Variants in GUCY2F observed in about 807,000 individuals in gnomAD.
GUCY2F encodes guanylate cyclase 2F, retinal, also known as retinal guanylyl cyclase 2.
In GUCY2F, 61 loss-of-function variants were observed where a neutral mutation model predicts 73.1. The ratio of observed to expected loss-of-function variants is 0.83; its 90% CI spans 0.68 to 1.03. The LOEUF is 1.03. Among genes scored for constraint, GUCY2F ranks in the 50% least tolerant of loss-of-function variants. The pLI is 0.00. For missense variants in GUCY2F, 912 were observed against 854.3 expected (o/e 1.07, Z -0.84); for synonymous variants, 331 against 307.8 (o/e 1.08, Z -0.79).
intron 2 of GUCY2F, among the ~76,000 whole-genome samples, chrX:109,467,948 A>C (rs1932503054): frequency 8.9e-6 from 1 of 112,054 alleles, no homozygotes; most frequent in African/African-American, 3.2e-5. Flanking sequence ...TGACAATTCC[A>C]CATGGAGGTA....
intron 15 of GUCY2F, among the ~76,000 whole-genome samples, chrX:109,386,268 A>T (rs1222397959): frequency 8.9e-6 from 1 of 112,370 alleles, no homozygotes; most frequent in Non-Finnish European, 1.9e-5. Context: ...AGAAGCACAG[A>T]CAGAGGTGCT....
chrX:109,449,910 G>GA (rs764636513), intron 5 of GUCY2F, among the ~76,000 whole-genome samples: 25 of 109,902 alleles, frequency 2.3e-4, no homozygotes, highest in South Asian at 3.9e-4. Context: ...CTTTCTTTCT[G>GA]AAAAAAAACT....
At chrX:109,388,323 G>C (rs1017902566) in intron 15 of GUCY2F, among the ~76,000 whole-genome samples, 166 bp downstream of exon 15, 4 of 111,892 alleles carry the variant, frequency 3.6e-5, no homozygotes, top group African/African-American at 1.3e-4. Context: ...GTTAGTGCAG[G>C]TACTGGGAGG....
chrX:109,475,154 G>A lies in GUCY2F; in HGVS notation c.730+53C>T, dbSNP rs770692909. Reference sequence around the variant, plus strand: ...GAGGGTAGGAAACCTTTTGGAGATTGTAATCTCTTTCCCTGAAGTCACGTT... The same window carrying A: ...GAGGGTAGGAAACCTTTTGGAGATTATAATCTCTTTCCCTGAAGTCACGTT... On this transcript the variant is annotated intron_variant, in intron 2 of 19. Transcript: ENST00000218006. 34 of 1,129,528 alleles carry A rather than the reference G, an allele frequency of 3.0e-5. No homozygotes were observed. The African/African-American group carries it at 4.5e-4, about 15-fold the overall frequency. 93.1% of individuals were successfully genotyped at this position (1,129,528 alleles called of 1,213,427 possible).
chrX:109,405,874 T>C (rs1930960636), intron 9 of GUCY2F, among the ~76,000 whole-genome samples: 1 of 111,805 alleles, frequency 8.9e-6, no homozygotes, highest in African/African-American at 3.3e-5. Flanking sequence ...GAAATATTTA[T>C]TGAGTACCTA....
intron 2 of GUCY2F, among the ~76,000 whole-genome samples, chrX:109,472,568 G>A (rs1266876052): frequency 8.9e-6 from 1 of 112,177 alleles, no homozygotes; most frequent in Non-Finnish European, 1.9e-5. Flanking sequence ...AGTCCCAGCA[G>A]TTGAGAGGAG....
At chrX:109,377,446 G>A (rs1304582682) in intron 17 of GUCY2F, among the ~76,000 whole-genome samples, 2 of 111,681 alleles carry the variant, frequency 1.8e-5, no homozygotes, top group African/African-American at 3.3e-5. Context: ...CATCCTTAAG[G>A]AACTCACAGT....
intron 8 of GUCY2F, among the ~76,000 whole-genome samples, chrX:109,420,321 A>T (rs1307199958): frequency 1.9e-5 from 2 of 106,224 alleles, no homozygotes; most frequent in Non-Finnish European, 3.9e-5. Context: ...AAGAAGAAAG[A>T]AAAGAAGAGA....
chrX:109,441,716 G>A (rs1472218515), intron 6 of GUCY2F, among the ~76,000 whole-genome samples: 1 of 109,054 alleles, frequency 9.2e-6, no homozygotes, highest in Non-Finnish European at 1.9e-5. Flanking sequence ...CCACCTCCTA[G>A]AGAGGATTAA....
At chrX:109,410,229 A>G (rs1318155885) in intron 8 of GUCY2F, among the ~76,000 whole-genome samples, 2 of 112,408 alleles carry the variant, frequency 1.8e-5, no homozygotes, top group Non-Finnish European at 3.7e-5. Flanking sequence ...AAAGGGGAAA[A>G]TTTCAGAGAG....
chrX:109,425,646 G>A (rs369887882), intron 8 of GUCY2F, among the ~76,000 whole-genome samples: 30 of 108,416 alleles, frequency 2.8e-4, no homozygotes, highest in African/African-American at 7.4e-4. Flanking sequence ...TTGGGGACTC[G>A]GGGGAAAGGG....
chrX:109,395,646 C>A (rs1225392311), intron 11 of GUCY2F, among the ~76,000 whole-genome samples, 157 bp from the exon 12 acceptor site: 1 of 112,361 alleles, frequency 8.9e-6, no homozygotes, highest in African/African-American at 3.2e-5. Context: ...TGAATATAGA[C>A]TATATTTGAG....
intron 15 of GUCY2F, among the ~76,000 whole-genome samples, chrX:109,387,480 A>C (rs1014189244): frequency 4.5e-5 from 5 of 112,307 alleles, no homozygotes; most frequent in African/African-American, 1.6e-4. Flanking sequence ...AGAAGGCTGA[A>C]GCTTAAGGGA....
At chrX:109,481,765 A>T (rs954912520) in intron 1 of GUCY2F, 101 bp downstream of exon 1, 1 of 110,329 alleles carries the variant, frequency 9.1e-6, no homozygotes, top group African/African-American at 3.3e-5. Flanking sequence ...TATTGCAGTA[A>T]AACTAATGTA....
At chrX:109,387,211 A>C (rs952405876) in intron 15 of GUCY2F, among the ~76,000 whole-genome samples, 7 of 111,954 alleles carry the variant, frequency 6.3e-5, no homozygotes, top group Non-Finnish European at 1.3e-4. Context: ...GAGATCAATA[A>C]ATATTTAAAA....
intron 6 of GUCY2F, among the ~76,000 whole-genome samples, chrX:109,443,853 C>T: frequency 8.9e-6 from 1 of 112,392 alleles, no homozygotes; most frequent in African/African-American, 3.2e-5. Context: ...TATTTTGCTA[C>T]ATTTAGACAA....
At chrX:109,451,169 G>A (rs946228478) in intron 5 of GUCY2F, among the ~76,000 whole-genome samples, 2 of 111,863 alleles carry the variant, frequency 1.8e-5, no homozygotes, top group East Asian at 2.8e-4. Flanking sequence ...CCAGTATGGA[G>A]AGGGTCCAAG....
At chrX:109,476,823 A>ATG (rs1224458967) in intron 1 of GUCY2F, among the ~76,000 whole-genome samples, 1 of 102,304 alleles carries the variant, frequency 9.8e-6, no homozygotes, top group African/African-American at 4.2e-5. Flanking sequence ...GTGTATATAT[A>ATG]TGTGTATATA....
intron 7 of GUCY2F, among the ~76,000 whole-genome samples, chrX:109,432,999 C>G (rs949568822): frequency 8.9e-6 from 1 of 112,663 alleles, no homozygotes; most frequent in Non-Finnish European, 1.9e-5. Flanking sequence ...TGAGAAGGCT[C>G]TTCTACCACC....
Sources: allele counts gnomAD v4.1 joint callset (sites outside exome capture counted in the v4.1 genomes callset), GRCh38; gene constraint gnomAD v4.1.1; transcripts MANE v1.5; gene names NCBI Gene and HGNC (gene_info 2026-07-23, HGNC 2026-07-21).